The following LIMCH1 variants were observed in gnomAD, a reference collection of about 807,000 sequenced individuals.
LIMCH1 encodes the protein LIM and calponin homology domains 1, also known as LIM and calponin homology domains-containing protein 1.
In LIMCH1, 113 loss-of-function variants were observed where a neutral mutation model predicts 176.5. The ratio of observed to expected loss-of-function variants is 0.64; its 90% confidence interval spans 0.55 to 0.75. The LOEUF is 0.75. Ranked by LOEUF, LIMCH1 falls within the 30% of genes least tolerant of loss-of-function variation. The pLI, the probability that LIMCH1 is intolerant of heterozygous loss-of-function variation, is 0.00. For synonymous variants in LIMCH1, 619 were observed against 645.9 expected (o/e 0.96, Z 0.63); for missense variants, 1,674 against 1,814.9 (o/e 0.92, Z 1.41).
In LIMCH1 at chr4:41,676,429, A is replaced by G. The variant is rs760230730; in HGVS notation, c.3486A>G (p.Glu1162=). Residue 1162 remains glutamate (E), a synonymous_variant, in exon 23 of 32, where the codon GAA becomes GAG. Coordinates refer to ENST00000503057, the MANE Select transcript of LIMCH1 (RefSeq NM_001330672.2). The stretch of plus-strand genomic sequence containing the variant: ...CAGAAGAGGAGCGCAGGCGACAGGA[A>G]AAATGGCAACAGGAACAGGAACGTT... ...WDPEEERRRQ[E]KWQQEQERLL... is the part of the protein sequence containing the mutation. 6.2e-6 allele frequency: 10 copies of G among 1,613,934 alleles called. No homozygotes were observed. The African/African-American group carries it at 8.0e-5, about 13-fold the overall frequency.
At chr4:41,675,379 G>A (rs1394099686) in intron 22 of LIMCH1, among the ~76,000 whole-genome samples, 1 of 152,052 alleles carries the variant, frequency 6.6e-6, no homozygotes, top group Non-Finnish European at 1.5e-5. Flanking sequence ...CATCTTCCCA[G>A]GCTACCAGGG....
chr4:41,528,316 ATTC>A (rs1303961926), intron 3 of LIMCH1, among the ~76,000 whole-genome samples: 5 of 152,186 alleles, frequency 3.3e-5, no homozygotes, highest in Non-Finnish European at 7.4e-5. Context: ...TCATGGTACT[ATTC>A]TTGCAACCTT....
Position 41,685,710 on chromosome 4 carries a change from A to T in LIMCH1, c.3968A>T (p.Asp1323Val). Reference sequence around the variant, plus strand: ...ATTTATGTTCTTTAATTGGCCTCAGATCCATCCCAGAATCAGCAGACATCA... The same window carrying T: ...ATTTATGTTCTTTAATTGGCCTCAGTTCCATCCCAGAATCAGCAGACATCA... ...HCGTNPQLAQ[D>V]PSQNQQTSNP... The change falls in exon 28 of 32, where the codon GAT becomes GTT. Residue 1323 changes from aspartate (D) to valine (V), a missense_variant and splice_region_variant. By Grantham distance (152) the Asp-to-Val change is radical. Around this residue, in one of 3 missense-constraint regions of LIMCH1, gnomAD observed 1,015 missense variants for 1,102.5 expected, o/e 0.92. Transcript: ENST00000503057. The T allele has an allele frequency of 1.2e-6, 2 of 1,613,478 alleles. No individual in the cohort carries two copies. Among genetic ancestry groups the T allele is most frequent in the Non-Finnish European group, 1.7e-6 (2 of 1,179,574 alleles).
intron 1 of LIMCH1, among the ~76,000 whole-genome samples, chr4:41,478,358 A>G (rs556935367): frequency 7.9e-4 from 121 of 152,226 alleles, no homozygotes; most frequent in Admixed American, 2.1e-3. Context: ...GCTTTTCTTT[A>G]TAGTTGTGTT....
chr4:41,597,784 A>G (rs954468218), intron 1 of LIMCH1, among the ~76,000 whole-genome samples: 5 of 152,226 alleles, frequency 3.3e-5, no homozygotes, highest in Non-Finnish European at 5.9e-5. Context: ...CTAGTGACAT[A>G]TCACAGAGTT....
chr4:41,478,182 A>G (rs946058519), intron 1 of LIMCH1, among the ~76,000 whole-genome samples: 2 of 152,242 alleles, frequency 1.3e-5, no homozygotes, highest in Non-Finnish European at 2.9e-5. Context: ...ACATGAAACA[A>G]ATACATAGCT....
intron 1 of LIMCH1, among the ~76,000 whole-genome samples, chr4:41,481,852 T>G (rs1166883851): frequency 9.2e-5 from 14 of 151,756 alleles, no homozygotes; most frequent in Non-Finnish European, 2.1e-4. Context: ...AATAGTTGTT[T>G]TTTTTTTTTT....
At chr4:41,528,949 G>A (rs891525817) in intron 3 of LIMCH1, among the ~76,000 whole-genome samples, 3 of 152,194 alleles carry the variant, frequency 2.0e-5, no homozygotes, top group Admixed American at 2.0e-4. Flanking sequence ...AGAATGCAAA[G>A]ACCCTGAATC....
chr4:41,580,522 A>T (rs1410644151), intron 1 of LIMCH1, among the ~76,000 whole-genome samples: 1 of 152,180 alleles, frequency 6.6e-6, no homozygotes, highest in Non-Finnish European at 1.5e-5. Context: ...AAAAAAGAAT[A>T]TTTTATTATC....
At chr4:41,516,041 A>C (rs1258672284) in intron 2 of LIMCH1, among the ~76,000 whole-genome samples, 1 of 152,242 alleles carries the variant, frequency 6.6e-6, no homozygotes, top group Non-Finnish European at 1.5e-5. Flanking sequence ...CCTGTGTCAG[A>C]GTAACTTTAG....
chr4:41,553,842 G>A (rs528795619), intron 1 of LIMCH1, among the ~76,000 whole-genome samples: 44 of 152,224 alleles, frequency 2.9e-4, no homozygotes, highest in African/African-American at 1.0e-3. Context: ...TACCTACTAT[G>A]TATTGCATAC....
chr4:41,583,807 G>A (rs4371649), intron 1 of LIMCH1, among the ~76,000 whole-genome samples: 7,675 of 149,518 alleles, frequency 0.051, 508 homozygotes, highest in African/African-American at 0.16. Flanking sequence ...CTTTGAATTC[G>A]TACCCTACAT....
Position 41,626,979 on chromosome 4 carries a change from A to G in LIMCH1, c.997A>G (p.Ile333Val). The G allele has an allele frequency of 6.5e-7, 1 of 1,535,124 alleles. No homozygotes were observed. The highest frequency in any genetic ancestry group is 1.2e-5 in the South Asian group (1 of 84,036). ...SDGSKQLSKGISKKRSLEYKR... is the reference protein window; with the variant it reads ...SDGSKQLSKGVSKKRSLEYKR... ...TGGCAGCAAACAGCTCTCAAAGGGA[A>G]TCTCAAAAAAAAGAAGTCTAGAATA... The change falls in exon 8 of 32, where the codon ATC (isoleucine) becomes GTC (valine). Residue 333 changes from isoleucine to valine, a missense_variant. Ile to Val is a conservative substitution (Grantham distance 29). Transcript: ENST00000503057.
At position 41,676,479 on chromosome 4, in the gene LIMCH1, T is replaced by C. The variant is rs757467744; in HGVS notation, c.3519+17T>C. 1.2e-6 allele frequency: 2 copies of C among 1,603,448 alleles called. No homozygotes were observed. The highest frequency in any genetic ancestry group is 2.2e-5 in the East Asian group (1 of 44,788). On this transcript the variant is annotated intron_variant, in intron 23 of 31. Coordinates refer to ENST00000503057, the MANE Select transcript of LIMCH1 (RefSeq NM_001330672.2). ...TTGCTCCAGGTAGGATGGAGTTTGC[T>C]GCTTTTTTTGTTTTTCCTTTTTTGT...
intron 1 of LIMCH1, among the ~76,000 whole-genome samples, chr4:41,457,983 A>G (rs972731293): frequency 6.6e-6 from 1 of 152,200 alleles, no homozygotes; most frequent in Admixed American, 6.5e-5. Flanking sequence ...ATATTTTGAA[A>G]ATAGGAGGCA....
chr4:41,607,128 T>C (rs1178783778), intron 4 of LIMCH1, among the ~76,000 whole-genome samples: 1 of 152,208 alleles, frequency 6.6e-6, no homozygotes, highest in Non-Finnish European at 1.5e-5. Context: ...AAGTCCACAT[T>C]AGAGGACAAA....
intron 17 of LIMCH1, 64 bp from the exon 18 acceptor site, chr4:41,650,329 G>C (rs2289339): frequency 0.019 from 22,956 of 1,177,680 alleles, 261 homozygotes; most frequent in East Asian, 0.024. Context: ...TGAACGTGTC[G>C]TTTTGTTACA....
chr4:41,542,465 A>T (rs935630230), intron 1 of LIMCH1, among the ~76,000 whole-genome samples: 6 of 152,042 alleles, frequency 3.9e-5, no homozygotes, highest in Non-Finnish European at 7.4e-5. Flanking sequence ...TAACAGTAAA[A>T]ACTTAAAGGA....
At chr4:41,450,896 A>C (rs1406426986) in intron 1 of LIMCH1, among the ~76,000 whole-genome samples, 2 of 151,578 alleles carry the variant, frequency 1.3e-5, no homozygotes, top group Non-Finnish European at 2.9e-5. Context: ...CTTTATCAGG[A>C]CAGATTGAGT....
Sources: gnomAD v4.1 joint callset for allele counts (sites outside exome capture counted in the v4.1 genomes callset) on GRCh38, gnomAD v4.1.1 for gene constraint, gnomAD v4.1.1 regional missense constraint, MANE v1.5 for transcripts, NCBI Gene and HGNC (gene_info 2026-07-23, HGNC 2026-07-21) for gene names.